Variants in SVOPL observed in about 807,000 individuals in gnomAD.
SVOPL encodes SVOP like.
Under a neutral mutation model 61.0 loss-of-function variants are expected in SVOPL, and 60 were observed. The observed-to-expected ratio is 0.98, with a 90% CI of 0.80 to 1.22. The LOEUF (loss-of-function observed/expected upper bound fraction) is 1.22. Ranked by LOEUF, SVOPL falls within the 50% of genes most tolerant of loss-of-function variation. SVOPL has a pLI of 0.00. For synonymous variants in SVOPL, 279 were observed against 250.0 expected, an observed-to-expected ratio of 1.12 and a Z score of -1.09; for missense variants, 662 against 643.9, an observed-to-expected ratio of 1.03 and a Z score of -0.30.
At chr7:138,637,019 T>A (rs762694790) in intron 9 of SVOPL, among the ~76,000 whole-genome samples, 17 of 152,172 alleles carry the variant, frequency 1.1e-4, no homozygotes, top group Non-Finnish European at 2.4e-4. Context: ...CTTGACAACT[T>A]GAAACATTCT....
intron 3 of SVOPL, among the ~76,000 whole-genome samples, chr7:138,676,814 G>C (rs1383561859): frequency 2.6e-5 from 4 of 151,064 alleles, no homozygotes; most frequent in African/African-American, 4.9e-5. Context: ...CCAAAACATA[G>C]ACACAAATGC....
At chr7:138,657,929 G>T (rs1801824970) in intron 6 of SVOPL, among the ~76,000 whole-genome samples, 1 of 152,150 alleles carries the variant, frequency 6.6e-6, no homozygotes, top group Non-Finnish European at 1.5e-5. Flanking sequence ...GGCCATTTAG[G>T]GTAATTTCTG....
At chr7:138,609,031 A>G (rs1024850002) in intron 14 of SVOPL, among the ~76,000 whole-genome samples, 1 of 152,224 alleles carries the variant, frequency 6.6e-6, no homozygotes, top group African/African-American at 2.4e-5. Context: ...GAATTGAAAA[A>G]TGGGCAAGTA....
At chr7:138,628,550 C>T (rs4728438) in intron 10 of SVOPL, among the ~76,000 whole-genome samples, 187 bp from the exon 11 acceptor site, 8,448 of 152,218 alleles carry the variant, frequency 0.055, 309 homozygotes, top group Admixed American at 0.091. Context: ...ACATGCCTGT[C>T]GGGTGTAAAC....
chr7:138,599,560 T>G (rs1399486434), intron 14 of SVOPL, among the ~76,000 whole-genome samples: 1 of 152,174 alleles, frequency 6.6e-6, no homozygotes, highest in Non-Finnish European at 1.5e-5. Context: ...TAGAGCTAGA[T>G]CCTTACTTCA....
At chr7:138,601,582 G>C (rs561110960) in intron 14 of SVOPL, among the ~76,000 whole-genome samples, 2 of 151,836 alleles carry the variant, frequency 1.3e-5, no homozygotes, top group African/African-American at 4.8e-5. Flanking sequence ...CAGATACATA[G>C]AATAAAACGG....
At chr7:138,605,161 A>G (rs1798696780) in intron 14 of SVOPL, among the ~76,000 whole-genome samples, 1 of 151,620 alleles carries the variant, frequency 6.6e-6, no homozygotes, top group African/African-American at 2.4e-5. Context: ...TGAATGAAGC[A>G]TTCAATAAAA....
At chr7:138,642,866 TTAA>T (rs1800893281) in intron 9 of SVOPL, among the ~76,000 whole-genome samples, 1 of 141,766 alleles carries the variant, frequency 7.1e-6, no homozygotes, top group Non-Finnish European at 1.5e-5. Context: ...AACAAAATTT[TTAA>T]TAATAATATA....
intron 7 of SVOPL, among the ~76,000 whole-genome samples, chr7:138,654,057 C>T (rs1801577902): frequency 6.6e-6 from 1 of 150,712 alleles, no homozygotes; most frequent in Admixed American, 6.6e-5. Context: ...CTCTTGAACC[C>T]AGGAGGCAGA....
intron 14 of SVOPL, among the ~76,000 whole-genome samples, chr7:138,605,230 C>T (rs571318768): frequency 1.3e-5 from 2 of 148,662 alleles, no homozygotes; most frequent in Non-Finnish European, 3.0e-5. Flanking sequence ...AGAGAAACAA[C>T]CAGAGAAGAA....
At chr7:138,631,310 C>T (rs1355306120) in intron 9 of SVOPL, among the ~76,000 whole-genome samples, 2 of 152,174 alleles carry the variant, frequency 1.3e-5, no homozygotes, top group Admixed American at 6.6e-5. Flanking sequence ...TATCCATCCC[C>T]TCAACCATCT....
chr7:138,610,878 C>G (rs1373568432), intron 14 of SVOPL, among the ~76,000 whole-genome samples: 1 of 152,222 alleles, frequency 6.6e-6, no homozygotes, highest in Non-Finnish European at 1.5e-5. Flanking sequence ...TAAAGAGCGC[C>G]ACTTAGCAAA....
chr7:138,597,351 G>T (rs768543712), intron 14 of SVOPL: 29 of 605,162 alleles, frequency 4.8e-5, no homozygotes, highest in Non-Finnish European at 6.6e-5. Context: ...TAAGTGACTA[G>T]TCTCAGTAAT....
At chr7:138,682,673 T>G (rs1802724650) in intron 1 of SVOPL, among the ~76,000 whole-genome samples, 1 of 151,958 alleles carries the variant, frequency 6.6e-6, no homozygotes, top group Non-Finnish European at 1.5e-5. Context: ...AATTTAAAAA[T>G]AAAACAAGTG....
chr7:138,678,310 G>A, intron 3 of SVOPL, 124 bp downstream of exon 3: 2 of 981,308 alleles, frequency 2.0e-6, no homozygotes, highest in South Asian at 1.7e-5. Context: ...TTGGGCACAC[G>A]TTCTCAGGAC....
rs766857256 is a variant in SVOPL at position 138,678,428 on chromosome 7, A to G, written c.174+6T>C. The G allele has an allele frequency of 1.3e-6, 2 of 1,550,100 alleles. No homozygotes were observed. ...CTTTTCGTCAACATCTCGAAGGAGCACTCACCCCAGTACTGCCCATGATCA... is the reference window on the plus strand; with the variant it reads ...CTTTTCGTCAACATCTCGAAGGAGCGCTCACCCCAGTACTGCCCATGATCA... On this transcript the variant is annotated splice_donor_region_variant and intron_variant, in intron 3 of 15. Coordinates refer to ENST00000674285, the MANE Select transcript of SVOPL (RefSeq NM_001139456.2).
chr7:138,604,356 G>A (rs974698856), intron 14 of SVOPL, among the ~76,000 whole-genome samples: 3 of 152,092 alleles, frequency 2.0e-5, no homozygotes, highest in African/African-American at 4.8e-5. Context: ...GTAAATGACT[G>A]TAAATCTTGT....
intron 1 of SVOPL, among the ~76,000 whole-genome samples, chr7:138,699,066 T>C (rs1317021861): frequency 1.3e-5 from 2 of 151,880 alleles, no homozygotes; most frequent in Non-Finnish European, 2.9e-5. Context: ...GCAGGAGAAT[T>C]GCTTGAACCC....
intron 7 of SVOPL, among the ~76,000 whole-genome samples, chr7:138,655,611 T>C (rs1801688835): frequency 1.3e-5 from 2 of 149,278 alleles, no homozygotes; most frequent in South Asian, 4.2e-4. Flanking sequence ...TCTACAGTAA[T>C]ATATGTGCAT....
Sources: gnomAD v4.1 joint callset for allele counts (sites outside exome capture counted in the v4.1 genomes callset) on GRCh38, gnomAD v4.1.1 for gene constraint, MANE v1.5 for transcripts, NCBI Gene and HGNC (gene_info 2026-07-23, HGNC 2026-07-21) for gene names.